Variants in PCDHGB2 observed in about 807,000 individuals in gnomAD.
PCDHGB2 encodes the protein protocadherin gamma subfamily B, 2.
PCDHGB2 carries 55 observed loss-of-function variants against 59.3 expected under a neutral mutation model. That is an observed-to-expected ratio of 0.93 (90% CI 0.75 to 1.16). The LOEUF (loss-of-function observed/expected upper bound fraction) is 1.16. Among genes scored for constraint, PCDHGB2 ranks in the 50% most tolerant of loss-of-function variants. The pLI is 0.00. For synonymous variants in PCDHGB2, 516 were observed against 512.0 expected (o/e 1.01, Z -0.11); for missense variants, 1,228 against 1,198.5 (o/e 1.02, Z -0.36).
intron 1 of PCDHGB2, among the ~76,000 whole-genome samples, chr5:141,381,060 A>G (rs1776965046): frequency 6.6e-6 from 1 of 152,246 alleles, no homozygotes; most frequent in South Asian, 2.1e-4. Flanking sequence ...GTGAATGCAA[A>G]GATAACTATG....
rs766083208 is a variant in PCDHGB2, at chr5:141,477,506, G to A, written c.2422-17301G>A. 1.9e-6 allele frequency: 3 copies of A among 1,614,028 alleles called. No homozygotes were observed. Among genetic ancestry groups the A allele is most frequent in the South Asian group, 2.2e-5 (2 of 91,076 alleles). ...ACAATCTTCTCAATCTTCCTACGAC[G>A]TTTACATTGAAGAAAACAACCTCCC... On this transcript the variant is annotated intron_variant, in intron 1 of 3. Transcript: ENST00000522605. This position sits in a 1 kb window ranked among gnomAD's most constrained non-coding sequence, Gnocchi z 4.9.
chr5:141,403,613 C>T lies in PCDHGB2; in HGVS notation c.2421+41057C>T, dbSNP rs769394271. On this transcript the variant is annotated intron_variant, in intron 1 of 3. Transcript: ENST00000522605. ...CACGGCCTCGGATGGCGGCGAGCCG[C>T]GTCGCTCCAGCACAGTGCGCATCCA... The T allele has an allele frequency of 3.5e-5, 56 of 1,613,778 alleles. No homozygotes were observed. Among genetic ancestry groups the T allele is most frequent in the Non-Finnish European group, 4.7e-5 (55 of 1,179,908 alleles).
intron 1 of PCDHGB2, among the ~76,000 whole-genome samples, chr5:141,437,331 A>G (rs2097876062): frequency 6.6e-6 from 1 of 152,244 alleles, no homozygotes; most frequent in Non-Finnish European, 1.5e-5. Context: ...TAAAATTTGT[A>G]GCTTCACTGT....
At chr5:141,383,279 A>G in intron 1 of PCDHGB2, 7 of 1,613,948 alleles carry the variant, frequency 4.3e-6, no homozygotes, top group Non-Finnish European at 5.9e-6. Context: ...ATAGATATTA[A>G]TGACAACGTT....
chr5:141,450,903 C>T (rs1468232105), intron 1 of PCDHGB2, among the ~76,000 whole-genome samples: 3 of 151,086 alleles, frequency 2.0e-5, no homozygotes, highest in African/African-American at 7.3e-5. Context: ...CGGCTCACTG[C>T]AACCGCTGCC....
chr5:141,381,890 T>C (rs1471901059), intron 1 of PCDHGB2, among the ~76,000 whole-genome samples: 1 of 139,844 alleles, frequency 7.2e-6, no homozygotes, highest in African/African-American at 2.7e-5. Context: ...AGTGCAATGG[T>C]GTGATCTCGG....
At chr5:141,420,382 C>CA (rs1414569792) in intron 1 of PCDHGB2, 5 of 1,300,530 alleles carry the variant, frequency 3.8e-6, no homozygotes, top group Non-Finnish European at 5.1e-6. Flanking sequence ...ATAGAGTTCG[C>CA]AAAATATAGG....
intron 1 of PCDHGB2, chr5:141,383,931 T>G: frequency 6.2e-7 from 1 of 1,613,818 alleles, no homozygotes. Flanking sequence ...ATGATAATGC[T>G]CCAGAAGTGA....
intron 2 of PCDHGB2, among the ~76,000 whole-genome samples, chr5:141,496,775 GCAGGGCC>G (rs1025427712): frequency 6.6e-6 from 1 of 152,038 alleles, no homozygotes; most frequent in Non-Finnish European, 1.5e-5. Flanking sequence ...TCTACTATGA[GCAGGGCC>G]CTGTGCTAAA....
chr5:141,433,329 G>A, intron 1 of PCDHGB2: 1 of 702,998 alleles, frequency 1.4e-6, no homozygotes, highest in Non-Finnish European at 2.4e-6. Context: ...GTGTAACAGG[G>A]ACTACAGGTG....
intron 1 of PCDHGB2, chr5:141,404,901 G>A: frequency 6.2e-7 from 1 of 1,613,848 alleles, no homozygotes; most frequent in African/African-American, 1.3e-5. Flanking sequence ...CAGGACCATG[G>A]CCAGCCCCCT....
intron 1 of PCDHGB2, chr5:141,375,201 A>T (rs1173523858): frequency 6.2e-7 from 1 of 1,614,004 alleles, no homozygotes; most frequent in Non-Finnish European, 8.5e-7. Flanking sequence ...CAAGTGTTCG[A>T]TCGAGACTCT....
chr5:141,491,136 G>A lies in PCDHGB2; in HGVS notation c.2422-3671G>A, dbSNP rs769904518. On this transcript the variant is annotated intron_variant, in intron 1 of 3. Coordinates refer to ENST00000522605, the MANE Select transcript of PCDHGB2 (RefSeq NM_018923.3). This position sits in a 1 kb window ranked among gnomAD's most constrained non-coding sequence, Gnocchi z 6.9. ...ACACTGGTGAGGTGCGCACAGCCCG[G>A]GCCTTACTGGAGGATGACTCTGACA... The A allele has an allele frequency of 2.4e-5, 38 of 1,614,030 alleles. 1 individual carries two copies. The South Asian group carries it at 4.1e-4, about 17-fold the overall frequency.
At chr5:141,376,920 C>G (rs527270477) in intron 1 of PCDHGB2, 1 of 173,352 alleles carries the variant, frequency 5.8e-6, no homozygotes, top group Non-Finnish European at 1.2e-5. Flanking sequence ...ATCTCCTGAC[C>G]TCATGATCCA....
intron 2 of PCDHGB2, 99 bp downstream of exon 2, chr5:141,494,964 G>A (rs2099757882): frequency 1.3e-6 from 2 of 1,594,380 alleles, no homozygotes; most frequent in Non-Finnish European, 8.5e-7. Context: ...GCTACAGATG[G>A]CTTCTCCCTC....
chr5:141,390,544 G>A, intron 1 of PCDHGB2: 1 of 505,664 alleles, frequency 2.0e-6, no homozygotes, highest in Non-Finnish European at 3.5e-6. Flanking sequence ...ACCACAAAGT[G>A]AAAGTGTTAG....
chr5:141,375,701 C>T (rs768533909), intron 1 of PCDHGB2: 7 of 1,614,256 alleles, frequency 4.3e-6, no homozygotes, highest in South Asian at 1.1e-5. Context: ...CAGCGGGGAC[C>T]CGCCTCTTAG....
intron 1 of PCDHGB2, among the ~76,000 whole-genome samples, chr5:141,483,631 T>C (rs973545851): frequency 2.7e-5 from 4 of 149,022 alleles, no homozygotes; most frequent in African/African-American, 1.0e-4. Flanking sequence ...TGGGAGAAGG[T>C]ATAGAGGGGT....
chr5:141,376,315 A>T, intron 1 of PCDHGB2: 2 of 1,614,178 alleles, frequency 1.2e-6, no homozygotes, highest in Non-Finnish European at 1.7e-6. Flanking sequence ...TGGGCGTGGA[A>T]GGGGTTCGGG....
Sources: gnomAD v4.1 joint callset for allele counts (sites outside exome capture counted in the v4.1 genomes callset) on GRCh38, gnomAD v4.1.1 for gene constraint, Gnocchi (gnomAD v3.1) non-coding constraint, MANE v1.5 for transcripts, NCBI Gene and HGNC (gene_info 2026-07-23, HGNC 2026-07-21) for gene names.